FLRT1: variants seen among roughly 807,000 people sequenced by gnomAD.
The protein encoded by FLRT1 is leucine-rich repeat transmembrane protein FLRT1.
Under a neutral mutation model 30.9 loss-of-function variants are expected in FLRT1, and 14 were observed. The ratio of observed to expected loss-of-function variants is 0.45; its 90% confidence interval spans 0.30 to 0.71. FLRT1 has a LOEUF of 0.71. FLRT1 is among the 30% of genes least tolerant of loss of function. FLRT1 has a pLI of 0.08. For missense variants in FLRT1, 737 were observed against 949.2 expected, an observed-to-expected ratio of 0.78 and a Z score of 2.94; for synonymous variants, 368 against 430.4, an observed-to-expected ratio of 0.85 and a Z score of 1.80.
chr11:64,046,591 G>A (rs376067080), intron 1 of FLRT1, among the ~76,000 whole-genome samples: 2 of 152,096 alleles, frequency 1.3e-5, no homozygotes, highest in Admixed American at 6.5e-5. Flanking sequence ...TGTTCTCGTC[G>A]CTCAGGCTAG....
intron 1 of FLRT1, among the ~76,000 whole-genome samples, chr11:64,040,215 G>C (rs1346631848): frequency 6.6e-6 from 1 of 152,058 alleles, no homozygotes; most frequent in African/African-American, 2.4e-5. Context: ...CCTTGGCTCT[G>C]AAGGCGCAAA....
intron 1 of FLRT1, among the ~76,000 whole-genome samples, chr11:64,061,248 G>A (rs1243570356): frequency 2.0e-5 from 3 of 152,232 alleles, no homozygotes; most frequent in Admixed American, 2.0e-4. Flanking sequence ...TGGCGATCAC[G>A]CGGTGTAATT....
At chr11:64,039,725 G>GTTT (rs1943449809) in intron 1 of FLRT1, among the ~76,000 whole-genome samples, 2 of 152,210 alleles carry the variant, frequency 1.3e-5, no homozygotes, top group Non-Finnish European at 2.9e-5. Flanking sequence ...CATCGCTCGA[G>GTTT]GCCCCCAGAG....
chr11:64,045,554 A>G (rs1280737594), intron 1 of FLRT1, among the ~76,000 whole-genome samples: 3 of 152,108 alleles, frequency 2.0e-5, no homozygotes, highest in African/African-American at 4.8e-5. Flanking sequence ...ATGGGACCCA[A>G]TTTGGTAGGT....
At chr11:64,069,561 C>T (rs2250196) in intron 1 of FLRT1, among the ~76,000 whole-genome samples, 4,627 of 152,256 alleles carry the variant, frequency 0.03, 241 homozygotes, top group African/African-American at 0.1. Context: ...TCTCCCTGCC[C>T]GTGTGGTGCC....
At chr11:64,101,835 C>T (rs1944676357) in intron 1 of FLRT1, among the ~76,000 whole-genome samples, 1 of 152,172 alleles carries the variant, frequency 6.6e-6, no homozygotes, top group African/African-American at 2.4e-5. Context: ...GGCTTGCTGG[C>T]TCTGAAACCT....
In FLRT1 at chr11:64,036,026, C is replaced by T. The variant is rs1399950709; in HGVS notation, c.-1171C>T. On this transcript the variant is annotated 5_prime_UTR_variant, in exon 1 of 3. Coordinates refer to ENST00000682287, the MANE Select transcript of FLRT1 (RefSeq NM_013280.5). This position sits in a 1 kb window ranked among gnomAD's most constrained non-coding sequence, Gnocchi z 5.6. ...CCCGCCACCGTGCTCTGCCGCGCGCCGGGGGCTCCTCTCCCGGGCCCCCCT... is the reference window on the plus strand; with the variant it reads ...CCCGCCACCGTGCTCTGCCGCGCGCTGGGGGCTCCTCTCCCGGGCCCCCCT... 6.6e-6 allele frequency: 1 copy of T among 151,318 alleles called. No individual in the cohort carries two copies. Among genetic ancestry groups the T allele is most frequent in the East Asian group, 2.0e-4 (1 of 5,112 alleles). 9.4% of individuals were successfully genotyped at this position (151,318 alleles called of 1,614,324 possible).
At chr11:64,060,984 G>A (rs2134437484) in intron 1 of FLRT1, among the ~76,000 whole-genome samples, 1 of 151,994 alleles carries the variant, frequency 6.6e-6, no homozygotes, top group East Asian at 1.9e-4. Context: ...GCGACCGGGC[G>A]GGCCGGCGTC....
At chr11:64,098,276 G>A (rs1187396846) in intron 1 of FLRT1, among the ~76,000 whole-genome samples, 2 of 152,176 alleles carry the variant, frequency 1.3e-5, no homozygotes, top group Non-Finnish European at 2.9e-5. Flanking sequence ...CAGGCTCCGG[G>A]CCCTGCTTCA....
intron 1 of FLRT1, among the ~76,000 whole-genome samples, chr11:64,046,123 G>A (rs1198664267): frequency 6.6e-6 from 1 of 152,070 alleles, no homozygotes; most frequent in Non-Finnish European, 1.5e-5. Flanking sequence ...GGTTCTGAGC[G>A]GCAGGGGTAG....
chr11:64,095,274 G>A (rs1944556912), intron 1 of FLRT1, among the ~76,000 whole-genome samples: 1 of 152,178 alleles, frequency 6.6e-6, no homozygotes, highest in African/African-American at 2.4e-5. Flanking sequence ...TTCTTTTGAA[G>A]TGTTACAACC....
chr11:64,114,111 G>C (rs996927510), intron 2 of FLRT1, among the ~76,000 whole-genome samples: 1 of 151,178 alleles, frequency 6.6e-6, no homozygotes, highest in Non-Finnish European at 1.5e-5. Context: ...TGGATGCATG[G>C]ATGGATGCAA....
At chr11:64,059,745 C>T (rs1943860718) in intron 1 of FLRT1, among the ~76,000 whole-genome samples, 1 of 152,238 alleles carries the variant, frequency 6.6e-6, no homozygotes, top group African/African-American at 2.4e-5. Flanking sequence ...AAACGCAGGC[C>T]TTCCCCTCTG....
chr11:64,066,957 G>T lies in FLRT1; in HGVS notation c.-1038+30798G>T, dbSNP rs541382904. 5.9e-5 allele frequency among the ~76,000 whole-genome samples: 9 copies of T among 152,310 alleles called. No homozygotes were observed. The East Asian group carries it at 1.7e-3, about 29-fold the overall frequency. On this transcript the variant is annotated intron_variant, in intron 1 of 2. Transcript: ENST00000682287. Reference sequence around the variant, plus strand: ...GGTGCTGCCCGCCCCAGTGCGCTACGGAGGGTCACACAGAGCCCAGCTGGC... The same window carrying T: ...GGTGCTGCCCGCCCCAGTGCGCTACTGAGGGTCACACAGAGCCCAGCTGGC...
intron 1 of FLRT1, among the ~76,000 whole-genome samples, chr11:64,086,217 C>T (rs1346756686): frequency 6.6e-6 from 1 of 152,168 alleles, no homozygotes; most frequent in East Asian, 1.9e-4. Flanking sequence ...GGGCTTAGCT[C>T]AGAGCCCACC....
At chr11:64,086,862 A>C (rs1025135686) in intron 1 of FLRT1, 10 of 152,140 alleles carry the variant, frequency 6.6e-5, no homozygotes, top group Admixed American at 6.5e-4. Flanking sequence ...CTGGGGATGG[A>C]GCTGGGAGGG....
At chr11:64,062,995 C>T (rs750537205) in intron 1 of FLRT1, among the ~76,000 whole-genome samples, 1 of 152,212 alleles carries the variant, frequency 6.6e-6, no homozygotes, top group Non-Finnish European at 1.5e-5. Context: ...GACAGGGCTC[C>T]CGGCCCATCT....
intron 2 of FLRT1, among the ~76,000 whole-genome samples, chr11:64,106,354 G>A (rs1165730652): frequency 6.6e-6 from 1 of 152,156 alleles, no homozygotes; most frequent in South Asian, 2.1e-4. Context: ...CCAGCCCTGG[G>A]TCTAGGTTCA....
intron 1 of FLRT1, among the ~76,000 whole-genome samples, chr11:64,048,899 A>G (rs61430628): frequency 0.14 from 21,782 of 152,210 alleles, 2,539 homozygotes; most frequent in East Asian, 0.43. Context: ...CTGTCCCCAC[A>G]GAGCTCCCAG....
Sources: allele counts gnomAD v4.1 joint callset (sites outside exome capture counted in the v4.1 genomes callset), GRCh38; gene constraint gnomAD v4.1.1; non-coding constraint Gnocchi (gnomAD v3.1); transcripts MANE v1.5; gene names NCBI Gene and HGNC (gene_info 2026-07-23, HGNC 2026-07-21).